The following VPS37B variants were observed in gnomAD, a reference collection of about 807,000 sequenced individuals.
VPS37B encodes VPS37B subunit of ESCRT-I.
VPS37B carries 11 observed loss-of-function variants against 21.2 expected under a neutral mutation model. The observed-to-expected ratio is 0.52, with a 90% CI of 0.33 to 0.86. VPS37B has a LOEUF of 0.86. Among genes scored for constraint, VPS37B ranks in the 40% least tolerant of loss-of-function variants. The pLI is 0.03. For missense variants in VPS37B, 389 were observed against 374.8 expected, an observed-to-expected ratio of 1.04 and a Z score of -0.31; for synonymous variants, 175 against 159.6, an observed-to-expected ratio of 1.10 and a Z score of -0.73.
intron 1 of VPS37B, chr12:122,880,375 G>A (rs920341215): frequency 2.6e-5 from 4 of 152,172 alleles, no homozygotes; most frequent in Admixed American, 2.6e-4. Context: ...CCCATTAACT[G>A]TGGTGAAACA....
chr12:122,892,400 T>G (rs2034426982), intron 1 of VPS37B, among the ~76,000 whole-genome samples: 1 of 151,924 alleles, frequency 6.6e-6, no homozygotes, highest in Admixed American at 6.6e-5. Flanking sequence ...AACCTAACAG[T>G]GAATGCCTTC....
Position 122,868,485 on chromosome 12 carries a change from T to A in VPS37B, c.361A>T (p.Thr121Ser). Residue 121 changes from threonine (T) to serine (S), a missense_variant, in exon 3 of 4, where the codon ACT becomes TCT. Thr to Ser is a moderately conservative substitution (Grantham distance 58). Coordinates refer to ENST00000267202, the MANE Select transcript of VPS37B (RefSeq NM_024667.3). The surrounding 1 kb of genome is among the most constrained non-coding windows in gnomAD (Gnocchi z 5.5). ...CCAAGGCTGGTGGGCTTTACCTCAG[T>A]GTCTTCCTCAATCTTGGCCCCTTCT... is the stretch of plus-strand genomic sequence containing the variant. ...QAEGAKIEED[T>S]ENMAEKFLDG... 1 of 1,613,084 alleles carries A rather than the reference T, an allele frequency of 6.2e-7. No individual in the cohort carries two copies. Among genetic ancestry groups the A allele is most frequent in the South Asian group, 1.1e-5 (1 of 90,864 alleles).
intron 1 of VPS37B, chr12:122,888,316 C>T (rs990171804): frequency 1.5e-5 from 5 of 328,924 alleles, no homozygotes; most frequent in Non-Finnish European, 3.0e-5. Context: ...TTTCATTCTT[C>T]CCTTGGAAGA....
At chr12:122,893,860 A>G (rs2034451694) in intron 1 of VPS37B, among the ~76,000 whole-genome samples, 1 of 150,756 alleles carries the variant, frequency 6.6e-6, no homozygotes, top group African/African-American at 2.4e-5. Context: ...CTGCCAGATG[A>G]ATTTACCTTT....
At chr12:122,877,215 C>A (rs2034166745) in intron 1 of VPS37B, 1 of 152,180 alleles carries the variant, frequency 6.6e-6, no homozygotes, top group South Asian at 2.1e-4. Flanking sequence ...AAATGGGAAT[C>A]CTTAATAGCA....
At chr12:122,885,835 T>C (rs964006333) in intron 1 of VPS37B, 13 of 150,264 alleles carry the variant, frequency 8.7e-5, no homozygotes, top group African/African-American at 2.7e-4. Flanking sequence ...AGGCGCCCGC[T>C]ACCACGCCCG....
chr12:122,869,981 T>C (rs2033990745), intron 2 of VPS37B: 1 of 151,636 alleles, frequency 6.6e-6, no homozygotes, highest in African/African-American at 2.4e-5. Flanking sequence ...AATTCTGATG[T>C]CTCCTCCTAA....
At chr12:122,893,240 T>C (rs1461301409) in intron 1 of VPS37B, among the ~76,000 whole-genome samples, 1 of 152,226 alleles carries the variant, frequency 6.6e-6, no homozygotes, top group African/African-American at 2.4e-5. Context: ...TTACTTTTTA[T>C]TGAGCCCTAC....
At chr12:122,870,011 G>A (rs991726646) in intron 2 of VPS37B, 9 of 147,294 alleles carry the variant, frequency 6.1e-5, no homozygotes, top group South Asian at 2.1e-4. Flanking sequence ...ATTAAAGTAT[G>A]CCATTAAAAT....
rs117308785 is a variant in VPS37B, at chr12:122,868,106, C to T, written c.366+374G>A. Among the ~76,000 whole-genome samples, 673 of 152,354 alleles carry T rather than the reference C, an allele frequency of 4.4e-3. 3 individuals are homozygous for T. The highest frequency in any genetic ancestry group is 5.3e-3 in the Non-Finnish European group (360 of 68,030). On this transcript the variant is annotated intron_variant, in intron 3 of 3. Coordinates refer to ENST00000267202, the MANE Select transcript of VPS37B (RefSeq NM_024667.3). This position sits in a 1 kb window ranked among gnomAD's most constrained non-coding sequence, Gnocchi z 5.5. The stretch of plus-strand genomic sequence containing the variant: ...ATTCGACCTTGACTCATTTCCTTAT[C>T]GCCTGGCGAGGCTCAAGGCTCTAAT...
At chr12:122,876,948 G>A (rs1271217068) in intron 1 of VPS37B, 1 of 152,166 alleles carries the variant, frequency 6.6e-6, no homozygotes, top group Non-Finnish European at 1.5e-5. Flanking sequence ...GGTTTCCCAT[G>A]GATGCTTTCC....
At chr12:122,871,752 A>C (rs1209917993) in intron 1 of VPS37B, 9 of 973,174 alleles carry the variant, frequency 9.2e-6, no homozygotes, top group Non-Finnish European at 1.2e-6. Flanking sequence ...TGGTAGGTAG[A>C]GAAGAAGCCA....
Position 122,868,395 on chromosome 12 carries a change from T to G in VPS37B, c.366+85A>C, listed in dbSNP as rs1593904344. The G allele has an allele frequency of 2.4e-6, 3 of 1,262,008 alleles. No individual in the cohort carries two copies. Among genetic ancestry groups the G allele is most frequent in the Admixed American group, 1.9e-5 (1 of 51,346 alleles). 78.2% of individuals were successfully genotyped at this position (1,262,008 alleles called of 1,614,324 possible). On this transcript the variant is annotated intron_variant, in intron 3 of 3. Coordinates refer to ENST00000267202, the MANE Select transcript of VPS37B (RefSeq NM_024667.3). The surrounding 1 kb of genome is among the most constrained non-coding windows in gnomAD (Gnocchi z 5.5). ...GAGGCACCACTCCTGGCCGTGGCGG[T>G]GTGGCACTCACGGTCCCTGGAGGCA...
chr12:122,872,695 T>TCTG, intron 1 of VPS37B: 1 of 985,130 alleles, frequency 1.0e-6, no homozygotes, highest in Non-Finnish European at 1.2e-6. Flanking sequence ...CAAAAACCAC[T>TCTG]GTATGGCCAC....
chr12:122,880,964 C>A (rs557653325), intron 1 of VPS37B: 2 of 152,360 alleles, frequency 1.3e-5, no homozygotes, highest in East Asian at 3.9e-4. Flanking sequence ...TCACTTCGTA[C>A]TGCAGCACTG....
chr12:122,872,533 C>T, intron 1 of VPS37B: 2 of 985,452 alleles, frequency 2.0e-6, no homozygotes, highest in South Asian at 4.7e-5. Context: ...AATCTTGGGA[C>T]TGGAAAGACG....
chr12:122,892,810 T>C lies in VPS37B; in HGVS notation c.111+3142A>G, dbSNP rs956507115. Reference sequence around the variant, plus strand: ...GTGCGGTGGCTCACGCCTTTAATTCTAGCACTATGGGAGGCTGAGGCAGGC... The same window carrying C: ...GTGCGGTGGCTCACGCCTTTAATTCCAGCACTATGGGAGGCTGAGGCAGGC... On this transcript the variant is annotated intron_variant, in intron 1 of 3. Transcript: ENST00000267202. Among the ~76,000 whole-genome samples, 24 of 152,172 alleles carry C rather than the reference T, an allele frequency of 1.6e-4. 1 individual carries two copies. The highest frequency in any genetic ancestry group is 5.9e-5 in the Non-Finnish European group (4 of 68,012).
At chr12:122,891,657 T>C (rs1335241936) in intron 1 of VPS37B, among the ~76,000 whole-genome samples, 1 of 152,252 alleles carries the variant, frequency 6.6e-6, no homozygotes, top group Non-Finnish European at 1.5e-5. Context: ...AGTAGTATTA[T>C]ACTCAAGAGT....
In VPS37B at chr12:122,866,978, A is replaced by C; in HGVS notation, c.*138T>G. The C allele has an allele frequency of 2.6e-6, 3 of 1,158,136 alleles. No individual in the cohort carries two copies. Among genetic ancestry groups the C allele is most frequent in the South Asian group, 2.1e-5 (1 of 47,058 alleles). The allele number at this position is 1,158,136 out of a possible 1,614,324, so 71.7% of individuals were successfully genotyped here. A position where few individuals can be genotyped will look rare whatever the true frequency, so the allele number is the denominator to read the frequency against. ...GGCTCCTACTACTCACCACTGACCTACAGTTCTAAAATCAGACAGACACGC... is the reference window on the plus strand; with the variant it reads ...GGCTCCTACTACTCACCACTGACCTCCAGTTCTAAAATCAGACAGACACGC... On this transcript the variant is annotated 3_prime_UTR_variant, in exon 4 of 4. Transcript: ENST00000267202.
Sources: allele counts gnomAD v4.1 joint callset (sites outside exome capture counted in the v4.1 genomes callset), GRCh38; gene constraint gnomAD v4.1.1; non-coding constraint Gnocchi (gnomAD v3.1); transcripts MANE v1.5; gene names NCBI Gene and HGNC (gene_info 2026-07-23, HGNC 2026-07-21).